The following STEAP4 variants were observed in gnomAD, a reference collection of about 807,000 sequenced individuals.
STEAP4 encodes metalloreductase STEAP4.
Under a neutral mutation model 43.6 loss-of-function variants are expected in STEAP4, and 36 were observed. The observed-to-expected ratio is 0.83, with a 90% confidence interval of 0.63 to 1.09. The LOEUF (loss-of-function observed/expected upper bound fraction) is 1.09. Ranked by LOEUF, STEAP4 falls within the 50% of genes least tolerant of loss-of-function variation. The pLI, the probability that STEAP4 is intolerant of heterozygous loss-of-function variation, is 0.00. For missense variants in STEAP4, 495 were observed against 546.5 expected, an observed-to-expected ratio of 0.91 and a Z score of 0.94; for synonymous variants, 191 against 196.7, an observed-to-expected ratio of 0.97 and a Z score of 0.24.
At chr7:88,306,459 C>T (rs543966443) in intron 1 of STEAP4, among the ~76,000 whole-genome samples, 11 of 152,250 alleles carry the variant, frequency 7.2e-5, no homozygotes, top group Non-Finnish European at 1.6e-4. Context: ...GCTAAAGCCA[C>T]ATTCTTCCAG....
At chr7:88,283,403 T>C (rs761479484) in intron 2 of STEAP4, 1 of 508,810 alleles carries the variant, frequency 2.0e-6, no homozygotes, top group African/African-American at 2.0e-5. Flanking sequence ...ATCACACTTA[T>C]AAAAGACATG....
chr7:88,300,640 C>A (rs192333959), intron 1 of STEAP4, among the ~76,000 whole-genome samples: 134 of 152,240 alleles, frequency 8.8e-4, no homozygotes, highest in African/African-American at 3.1e-3. Context: ...GAGTTTTTAC[C>A]TTATGACAAT....
chr7:88,286,624 T>C (rs1302475939), intron 1 of STEAP4, among the ~76,000 whole-genome samples: 2 of 152,110 alleles, frequency 1.3e-5, no homozygotes, highest in African/African-American at 4.8e-5. Flanking sequence ...GGCATGATAA[T>C]TGCTTGAACT....
At chr7:88,291,982 G>T (rs957478189) in intron 1 of STEAP4, among the ~76,000 whole-genome samples, 9 of 152,170 alleles carry the variant, frequency 5.9e-5, no homozygotes, top group Admixed American at 2.6e-4. Context: ...TCTCACAAGG[G>T]TGTTTACATA....
intron 1 of STEAP4, chr7:88,292,454 T>G (rs1426322260): frequency 6.6e-6 from 1 of 152,098 alleles, no homozygotes; most frequent in East Asian, 1.9e-4. Context: ...AAAAAATAAA[T>G]CAATCAAACT....
rs1323547139 is a variant in STEAP4, at chr7:88,279,344, A to C, written c.*54T>G. 1.3e-6 allele frequency: 2 copies of C among 1,547,874 alleles called. No homozygotes were observed. The highest frequency in any genetic ancestry group is 2.7e-5 in the African/African-American group (2 of 73,578). ...AAACATTCAAAACCATAGTTCAGAAATCCAGCTAAATTGAACTTTGTTTTA... is the reference window on the plus strand; with the variant it reads ...AAACATTCAAAACCATAGTTCAGAACTCCAGCTAAATTGAACTTTGTTTTA... On this transcript the variant is annotated 3_prime_UTR_variant, in exon 5 of 5. Coordinates refer to ENST00000380079, the MANE Select transcript of STEAP4 (RefSeq NM_024636.4).
chr7:88,296,415 C>T (rs1442620899), intron 1 of STEAP4, among the ~76,000 whole-genome samples: 1 of 152,096 alleles, frequency 6.6e-6, no homozygotes, highest in Non-Finnish European at 1.5e-5. Flanking sequence ...CAAATAACAC[C>T]TTCAAACTGT....
At chr7:88,287,344 G>A (rs1852753764) in intron 1 of STEAP4, among the ~76,000 whole-genome samples, 1 of 152,168 alleles carries the variant, frequency 6.6e-6, no homozygotes, top group Non-Finnish European at 1.5e-5. Context: ...CTACAGAGCA[G>A]GTAACAACAA....
Position 88,272,931 on chromosome 7 carries a change from C to G in STEAP4, c.*6467G>C, listed in dbSNP as rs528542163. The G allele has an allele frequency of 1.3e-5, 2 of 152,304 alleles. No individual in the cohort carries two copies. Among genetic ancestry groups the G allele is most frequent in the Non-Finnish European group, 2.9e-5 (2 of 68,026 alleles). The allele number at this position is 152,304 out of a possible 1,614,324, so 9.4% of individuals were successfully genotyped here. A position where few individuals can be genotyped will look rare whatever the true frequency, so the allele number is the denominator to read the frequency against. ...TAAGCCTGTAGAAGGCTAGCTATAA[C>G]AGACTCTATAGAAAATTCCTGCATT... On this transcript the variant is annotated 3_prime_UTR_variant, in exon 5 of 5. Coordinates refer to ENST00000380079, the MANE Select transcript of STEAP4 (RefSeq NM_024636.4).
chr7:88,279,354 A>G lies in STEAP4; in HGVS notation c.*44T>C, dbSNP rs945317211. 1.9e-6 allele frequency: 3 copies of G among 1,577,810 alleles called. No homozygotes were observed. In the African/African-American group the frequency reaches 4.0e-5, roughly 21 times the overall value. ...AACCATAGTTCAGAAATCCAGCTAA[A>G]TTGAACTTTGTTTTAAATATTGATT... is the stretch of plus-strand genomic sequence containing the variant. On this transcript the variant is annotated 3_prime_UTR_variant, in exon 5 of 5. Coordinates refer to ENST00000380079, the MANE Select transcript of STEAP4 (RefSeq NM_024636.4).
chr7:88,299,508 G>T (rs893173030), intron 1 of STEAP4, among the ~76,000 whole-genome samples: 1 of 152,176 alleles, frequency 6.6e-6, no homozygotes, highest in Non-Finnish European at 1.5e-5. Flanking sequence ...CCAGTGGATT[G>T]CCACTATCAG....
At chr7:88,291,087 T>C (rs1353262183) in intron 1 of STEAP4, 1 of 152,134 alleles carries the variant, frequency 6.6e-6, no homozygotes, top group Non-Finnish European at 1.5e-5. Context: ...AAGTATCTAA[T>C]TAATGTAGCC....
chr7:88,291,380 G>C (rs949853012), intron 1 of STEAP4, among the ~76,000 whole-genome samples: 1 of 151,726 alleles, frequency 6.6e-6, no homozygotes, highest in Non-Finnish European at 1.5e-5. Context: ...CCAGCTATTG[G>C]AGAGGCTGAA....
At chr7:88,302,672 G>A (rs1052307373) in intron 1 of STEAP4, among the ~76,000 whole-genome samples, 1 of 151,912 alleles carries the variant, frequency 6.6e-6, no homozygotes, top group East Asian at 1.9e-4. Context: ...ATTGGGTGCT[G>A]GCCAGGTGCG....
Position 88,280,950 on chromosome 7 carries a change from T to G in STEAP4, c.1114A>C (p.Asn372His). The G allele has an allele frequency of 1.2e-6, 2 of 1,612,104 alleles. No individual in the cohort carries two copies. Among genetic ancestry groups the G allele is most frequent in the Non-Finnish European group, 1.7e-6 (2 of 1,179,270 alleles). Residue 372 changes from asparagine to histidine, a missense_variant, in exon 4 of 5, where the codon AAT becomes CAT. Physicochemically the swap from Asn to His is moderately conservative, Grantham distance 68. Transcript: ENST00000380079. Reference sequence around the variant, plus strand: ...CGGAACTCTCTCCAGTTGACTGCATTGCTAACAGATGGCAAAGAAGTGATT... The same window carrying G: ...CGGAACTCTCTCCAGTTGACTGCATGGCTAACAGATGGCAAAGAAGTGATT... ...LGITSLPSVSNAVNWREFRFV... is the reference protein window; with the variant it reads ...LGITSLPSVSHAVNWREFRFV...
At position 88,277,484 on chromosome 7, in the gene STEAP4, A is replaced by G. The variant is rs1042808538; in HGVS notation, c.*1914T>C. ...TATTATCTGAAATGTTATTTATTTT[A>G]GTAAAAAATGGATATAGTCTACATG... On this transcript the variant is annotated 3_prime_UTR_variant, in exon 5 of 5. Coordinates refer to ENST00000380079, the MANE Select transcript of STEAP4 (RefSeq NM_024636.4). 2 of 152,250 alleles carry G rather than the reference A, an allele frequency of 1.3e-5. No individual in the cohort carries two copies. The highest frequency in any genetic ancestry group is 2.4e-5 in the African/African-American group (1 of 41,466). 9.4% of individuals were successfully genotyped at this position (152,250 alleles called of 1,614,324 possible).
chr7:88,300,367 T>A (rs1398747014), intron 1 of STEAP4, among the ~76,000 whole-genome samples: 1 of 152,010 alleles, frequency 6.6e-6, no homozygotes, highest in African/African-American at 2.4e-5. Context: ...TGCCACCATG[T>A]CCAGCTCATT....
intron 1 of STEAP4, among the ~76,000 whole-genome samples, chr7:88,295,455 G>A (rs1365989614): frequency 6.6e-6 from 1 of 152,226 alleles, no homozygotes; most frequent in Non-Finnish European, 1.5e-5. Flanking sequence ...CTATTGGAGA[G>A]TCTGAATCAA....
At position 88,283,069 on chromosome 7, in the gene STEAP4, C is replaced by G; in HGVS notation, c.556G>C (p.Ala186Pro). The change falls in exon 3 of 5, where the codon GCC becomes CCC. Residue 186 changes from alanine (A) to proline (P), a missense_variant. Coordinates refer to ENST00000380079, the MANE Select transcript of STEAP4 (RefSeq NM_024636.4). ...AGGGGGTACTTTTCAATTTCTTTGG[C>G]TGCCATGAGTGATCCTTGATCCATT... ...TPMDQGSLMA[A>P]KEIEKYPLQL... 6.2e-7 allele frequency: 1 copy of G among 1,613,336 alleles called. No individual in the cohort carries two copies. The highest frequency in any genetic ancestry group is 1.7e-5 in the Admixed American group (1 of 59,880).
Sources: gnomAD v4.1 joint callset for allele counts (sites outside exome capture counted in the v4.1 genomes callset) on GRCh38, gnomAD v4.1.1 for gene constraint, MANE v1.5 for transcripts, NCBI Gene and HGNC (gene_info 2026-07-23, HGNC 2026-07-21) for gene names.